Variants in MYOZ2 observed in about 807,000 individuals in gnomAD.
MYOZ2 encodes the protein myozenin-2.
Under a neutral mutation model 25.4 loss-of-function variants are expected in MYOZ2, and 19 were observed. That is an observed-to-expected ratio of 0.75 (90% CI 0.52 to 1.10). The LOEUF is 1.10. Among genes scored for constraint, MYOZ2 ranks in the 50% least tolerant of loss-of-function variants. The probability of loss-of-function intolerance (pLI) is 0.00; values close to 1 mark genes in which losing one functional copy is unlikely to be tolerated. For missense variants in MYOZ2, 270 were observed against 317.9 expected, an observed-to-expected ratio of 0.85 and a Z score of 1.15; for synonymous variants, 92 against 106.9, an observed-to-expected ratio of 0.86 and a Z score of 0.86.
At chr4:119,178,574 A>G (rs915675879) in intron 5 of MYOZ2, among the ~76,000 whole-genome samples, 1 of 152,114 alleles carries the variant, frequency 6.6e-6, no homozygotes, top group African/African-American at 2.4e-5. Flanking sequence ...CTTATACTCT[A>G]TACCATCAGC....
In MYOZ2 at chr4:119,135,991, G is replaced by C. The variant is rs1741015129; in HGVS notation, c.-15+9G>C. Reference sequence around the variant, plus strand: ...CACAATCTAACAGCAAGGTGAGTATGTTGTTTCCTAAAATGTTTCATTAGT... The same window carrying C: ...CACAATCTAACAGCAAGGTGAGTATCTTGTTTCCTAAAATGTTTCATTAGT... On this transcript the variant is annotated intron_variant, in intron 1 of 5. Coordinates refer to ENST00000307128, the MANE Select transcript of MYOZ2 (RefSeq NM_016599.5). 1 of 164,250 alleles carries C rather than the reference G, an allele frequency of 6.1e-6. No homozygotes were observed. The highest frequency in any genetic ancestry group is 1.3e-5 in the Non-Finnish European group (1 of 75,410). 10.2% of individuals were successfully genotyped at this position (164,250 alleles called of 1,614,324 possible). A position where few individuals can be genotyped will look rare whatever the true frequency, so the allele number is the denominator to read the frequency against.
At chr4:119,158,994 A>C (rs1358863854) in intron 4 of MYOZ2, among the ~76,000 whole-genome samples, 1 of 152,210 alleles carries the variant, frequency 6.6e-6, no homozygotes, top group Non-Finnish European at 1.5e-5. Flanking sequence ...ATAAATGCTT[A>C]AGATGATGGA....
intron 3 of MYOZ2, among the ~76,000 whole-genome samples, chr4:119,153,157 C>T (rs1741492575): frequency 6.6e-6 from 1 of 150,842 alleles, no homozygotes; most frequent in Non-Finnish European, 1.5e-5. Context: ...CTTTAATGAT[C>T]TGTGTGTTGC....
Position 119,136,593 on chromosome 4 carries a change from A to G in MYOZ2, c.68A>G (p.His23Arg). Residue 23 changes from histidine to arginine, a missense_variant, in exon 2 of 6, where the codon CAT becomes CGT. Physicochemically the swap from His to Arg is conservative, Grantham distance 29. Transcript: ENST00000307128. ...QQATAIMKEV[H>R]GNDVDGMDLG... ...GCAACAGCCATCATGAAGGAAGTCC[A>G]TGGAAATGGTATCAATAAAAATCCT... The G allele has an allele frequency of 2.5e-6, 4 of 1,613,150 alleles. No individual in the cohort carries two copies. The highest frequency in any genetic ancestry group is 1.1e-5 in the South Asian group (1 of 91,054).
intron 2 of MYOZ2, among the ~76,000 whole-genome samples, chr4:119,140,934 A>G (rs748554247): frequency 6.6e-6 from 1 of 152,214 alleles, no homozygotes; most frequent in African/African-American, 2.4e-5. Context: ...CACAGATGGT[A>G]TTCAAAATCA....
intron 2 of MYOZ2, among the ~76,000 whole-genome samples, chr4:119,145,483 C>T (rs1161328131): frequency 1.3e-5 from 2 of 148,530 alleles, no homozygotes; most frequent in Admixed American, 6.8e-5. Context: ...CTGGGACCAA[C>T]CCACCACCAT....
chr4:119,161,972 G>T (rs1362989615), intron 4 of MYOZ2, among the ~76,000 whole-genome samples: 1 of 152,016 alleles, frequency 6.6e-6, no homozygotes, highest in East Asian at 1.9e-4. Context: ...AGTTTTTAAA[G>T]GTCTTACCTC....
chr4:119,175,653 G>T (rs1742054451), intron 5 of MYOZ2, among the ~76,000 whole-genome samples: 1 of 151,984 alleles, frequency 6.6e-6, no homozygotes, highest in Non-Finnish European at 1.5e-5. Flanking sequence ...TTGGGAGGCT[G>T]AGGCAGGAGA....
intron 3 of MYOZ2, among the ~76,000 whole-genome samples, chr4:119,155,277 G>A (rs1214777990): frequency 6.6e-6 from 1 of 152,118 alleles, no homozygotes; most frequent in South Asian, 2.1e-4. Flanking sequence ...ATTTAGAGGG[G>A]ACAAATATCC....
intron 5 of MYOZ2, among the ~76,000 whole-genome samples, chr4:119,177,064 A>G (rs1442044639): frequency 6.6e-6 from 1 of 152,234 alleles, no homozygotes; most frequent in African/African-American, 2.4e-5. Context: ...TCTGTCTCAA[A>G]AAAAACAAAG....
intron 5 of MYOZ2, among the ~76,000 whole-genome samples, chr4:119,166,919 A>G (rs1266575174): frequency 2.6e-5 from 4 of 152,208 alleles, no homozygotes; most frequent in Admixed American, 6.5e-5. Flanking sequence ...GAGTGCTCCA[A>G]TGACCAGCCA....
rs113920336 is a variant in MYOZ2, at chr4:119,136,621, G to A, written c.76+20G>A. ...GAAATGGTATCAATAAAAATCCTTC[G>A]TAGCATTAATATAGCACAGCATGAA... On this transcript the variant is annotated intron_variant, in intron 2 of 5. Coordinates refer to ENST00000307128, the MANE Select transcript of MYOZ2 (RefSeq NM_016599.5). 725 of 1,603,082 alleles carry A rather than the reference G, an allele frequency of 4.5e-4. 2 individuals carry two copies. The African/African-American group carries it at 6.4e-3, about 14-fold the overall frequency.
intron 4 of MYOZ2, among the ~76,000 whole-genome samples, chr4:119,163,727 C>A (rs1208254636): frequency 6.6e-6 from 1 of 152,142 alleles, no homozygotes; most frequent in Non-Finnish European, 1.5e-5. Flanking sequence ...GAGCACTCAG[C>A]AATTGAAGAC....
chr4:119,159,832 G>A (rs1741666103), intron 4 of MYOZ2, among the ~76,000 whole-genome samples: 1 of 152,124 alleles, frequency 6.6e-6, no homozygotes, highest in Non-Finnish European at 1.5e-5. Context: ...GAGAAAAACT[G>A]TGGATAGACT....
At chr4:119,152,544 A>T (rs1271018620) in intron 3 of MYOZ2, among the ~76,000 whole-genome samples, 4 of 152,124 alleles carry the variant, frequency 2.6e-5, no homozygotes, top group African/African-American at 9.6e-5. Flanking sequence ...CCCTATGAAC[A>T]CAACATATTC....
rs144688160 is a variant in MYOZ2 at position 119,177,593 on chromosome 4, A to G, written c.561-8373A>G. 4.6e-5 allele frequency among the ~76,000 whole-genome samples: 7 copies of G among 152,314 alleles called. No individual in the cohort carries two copies. In the East Asian group the frequency reaches 1.3e-3, roughly 29 times the overall value. ...GGGATCACTTTTTATTTTTCAAAAA[A>G]AAGTGGAAGCAAATTGGAAGACACC... On this transcript the variant is annotated intron_variant, in intron 5 of 5. Transcript: ENST00000307128.
rs192221275 is a variant in MYOZ2, at chr4:119,138,105, A to T, written c.76+1504A>T. ...TTATAAACATAACTATTGTTTTTAT[A>T]AAAAATATGTGGGAGAAAACACACA... On this transcript the variant is annotated intron_variant, in intron 2 of 5. Transcript: ENST00000307128. Among the ~76,000 whole-genome samples, 26 of 152,246 alleles carry T rather than the reference A, an allele frequency of 1.7e-4. No homozygotes were observed. The East Asian group carries it at 4.3e-3, about 25-fold the overall frequency.
intron 3 of MYOZ2, among the ~76,000 whole-genome samples, chr4:119,155,439 A>G (rs1741551652): frequency 6.6e-6 from 1 of 152,200 alleles, no homozygotes; most frequent in Admixed American, 6.5e-5. Flanking sequence ...GTATTGGGAT[A>G]ATACAGAATA....
intron 2 of MYOZ2, among the ~76,000 whole-genome samples, chr4:119,142,276 A>G (rs1484270817): frequency 6.6e-6 from 1 of 152,210 alleles, no homozygotes; most frequent in Non-Finnish European, 1.5e-5. Flanking sequence ...ATACAGTTAC[A>G]ATGGATATAA....
Sources: allele counts gnomAD v4.1 joint callset (sites outside exome capture counted in the v4.1 genomes callset), GRCh38; gene constraint gnomAD v4.1.1; transcripts MANE v1.5; gene names NCBI Gene and HGNC (gene_info 2026-07-23, HGNC 2026-07-21).